The following GALNT13 variants were observed in gnomAD, a reference collection of about 807,000 sequenced individuals.
GALNT13 encodes UDP-GalNAc:polypeptide N-acetylgalactosaminyltransferase 13.
Under a neutral mutation model 64.2 loss-of-function variants are expected in GALNT13, and 28 were observed. The observed-to-expected ratio is 0.44, with a 90% confidence interval of 0.32 to 0.60. The LOEUF (loss-of-function observed/expected upper bound fraction) is 0.60, where lower values mean the gene tolerates loss of function less well. GALNT13 is among the 20% of genes least tolerant of loss of function. The pLI, the probability that GALNT13 is intolerant of heterozygous loss-of-function variation, is 0.05. For synonymous variants in GALNT13, 214 were observed against 224.6 expected, an observed-to-expected ratio of 0.95 and a Z score of 0.42; for missense variants, 577 against 669.8, an observed-to-expected ratio of 0.86 and a Z score of 1.53.
the GALNT13 span, among the ~76,000 whole-genome samples, chr2:153,433,189 C>CA: frequency 6.6e-6 from 1 of 152,108 alleles, no homozygotes; most frequent in Non-Finnish European, 1.5e-5. Context: ...TAAAAAGTCT[C>CA]ATCATTGATT....
At chr2:153,144,306 G>A in the GALNT13 span, among the ~76,000 whole-genome samples, 1 of 151,924 alleles carries the variant, frequency 6.6e-6, no homozygotes, top group African/African-American at 2.4e-5. Flanking sequence ...AATTAGCTGT[G>A]TAAGCTCAGG....
At chr2:153,906,786 G>A (rs1183752900) in intron 2 of GALNT13, among the ~76,000 whole-genome samples, 1 of 151,812 alleles carries the variant, frequency 6.6e-6, no homozygotes, top group Non-Finnish European at 1.5e-5. Context: ...GGGTCAAATG[G>A]TATTTCTAGT....
At chr2:153,285,965 GAATA>G in the GALNT13 span, among the ~76,000 whole-genome samples, 128 of 152,080 alleles carry the variant, frequency 8.4e-4, no homozygotes, top group Admixed American at 1.7e-3. Flanking sequence ...AAACACAAGA[GAATA>G]AATTCAAGAA....
the GALNT13 span, among the ~76,000 whole-genome samples, chr2:153,544,397 C>A: frequency 2.0e-5 from 3 of 152,192 alleles, no homozygotes; most frequent in Admixed American, 6.5e-5. Context: ...CATTTACAAC[C>A]ATTCTTAACA....
At chr2:153,652,659 C>G in the GALNT13 span, among the ~76,000 whole-genome samples, 1 of 152,082 alleles carries the variant, frequency 6.6e-6, no homozygotes, top group Non-Finnish European at 1.5e-5. Context: ...ATAACCATGA[C>G]TGACACGCAC....
chr2:153,666,417 C>T, the GALNT13 span, among the ~76,000 whole-genome samples: 1 of 152,158 alleles, frequency 6.6e-6, no homozygotes, highest in South Asian at 2.1e-4. Context: ...TAAGAGTGGA[C>T]CCAGTGCCAT....
intron 2 of GALNT13, among the ~76,000 whole-genome samples, chr2:153,940,755 T>C (rs1478355383): frequency 2.0e-5 from 3 of 152,190 alleles, no homozygotes; most frequent in Admixed American, 6.5e-5. Flanking sequence ...CTGAAACTTC[T>C]GGAAGCATTA....
chr2:153,798,133 T>G, the GALNT13 span, among the ~76,000 whole-genome samples: 1 of 152,196 alleles, frequency 6.6e-6, no homozygotes, highest in Non-Finnish European at 1.5e-5. Flanking sequence ...TTGATTGAAG[T>G]CAACACATAA....
chr2:154,025,394 T>C (rs545055837), intron 3 of GALNT13, among the ~76,000 whole-genome samples: 1 of 152,300 alleles, frequency 6.6e-6, no homozygotes, highest in South Asian at 2.1e-4. Flanking sequence ...CACTAATGTT[T>C]TAGTACATTT....
intron 4 of GALNT13, among the ~76,000 whole-genome samples, chr2:154,234,645 GA>G (rs1689095660): frequency 6.6e-6 from 1 of 151,998 alleles, no homozygotes; most frequent in Non-Finnish European, 1.5e-5. Context: ...TTGAAGATAT[GA>G]AAAAAATGTT....
the GALNT13 span, among the ~76,000 whole-genome samples, chr2:153,789,248 A>C: frequency 2.6e-5 from 4 of 152,090 alleles, no homozygotes; most frequent in Non-Finnish European, 5.9e-5. Flanking sequence ...CACCAAACAC[A>C]CTCTCAGACC....
intron 8 of GALNT13, among the ~76,000 whole-genome samples, chr2:154,259,927 G>A (rs1690600465): frequency 6.6e-6 from 1 of 152,034 alleles, no homozygotes; most frequent in Non-Finnish European, 1.5e-5. Flanking sequence ...ACCCAGGCTG[G>A]AGTGGTACAG....
At chr2:153,376,206 C>T in the GALNT13 span, among the ~76,000 whole-genome samples, 1 of 152,042 alleles carries the variant, frequency 6.6e-6, no homozygotes, top group Non-Finnish European at 1.5e-5. Flanking sequence ...TTAGGTAAAA[C>T]TGAGAGGAAT....
intron 3 of GALNT13, among the ~76,000 whole-genome samples, chr2:154,080,123 T>G (rs1468554220): frequency 6.6e-6 from 1 of 151,680 alleles, no homozygotes; most frequent in East Asian, 1.9e-4. Context: ...GTGCGTGTGT[T>G]ATTTCAACAA....
intron 2 of GALNT13, among the ~76,000 whole-genome samples, chr2:153,938,727 C>T (rs899223061): frequency 2.0e-5 from 3 of 152,132 alleles, no homozygotes; most frequent in African/African-American, 7.2e-5. Context: ...GACGCCTTCT[C>T]TCTGTGTCTT....
Position 154,450,745 on chromosome 2 carries a change from TAAG to T in GALNT13, c.*197_*199del. On this transcript the variant is annotated 3_prime_UTR_variant, in exon 13 of 13. Coordinates refer to ENST00000392825, the MANE Select transcript of GALNT13 (RefSeq NM_052917.4). Reference sequence around the variant, plus strand: ...AAAATTTGTATCTGATCAAAGCACATAAGAATATAAATAATAGCAAACTACTAT... The same window carrying T: ...AAAATTTGTATCTGATCAAAGCACATAATATAAATAATAGCAAACTACTAT... The T allele has an allele frequency of 2.0e-6, 1 of 493,078 alleles. No individual in the cohort carries two copies. The highest frequency in any genetic ancestry group is 3.8e-5 in the Admixed American group (1 of 26,310). 30.5% of individuals were successfully genotyped at this position (493,078 alleles called of 1,614,324 possible).
the GALNT13 span, among the ~76,000 whole-genome samples, chr2:153,344,542 G>A: frequency 6.6e-6 from 1 of 152,152 alleles, no homozygotes; most frequent in Non-Finnish European, 1.5e-5. Context: ...CCAGGCTGGT[G>A]TGCAGTGGCG....
the GALNT13 span, among the ~76,000 whole-genome samples, chr2:153,222,970 C>T: frequency 6.6e-6 from 1 of 152,192 alleles, no homozygotes; most frequent in African/African-American, 2.4e-5. Flanking sequence ...CCCCCTGACT[C>T]GGTGAGGGGG....
the GALNT13 span, among the ~76,000 whole-genome samples, chr2:153,359,582 G>A: frequency 8.3e-6 from 1 of 120,694 alleles, no homozygotes; most frequent in Non-Finnish European, 1.6e-5. Context: ...GAAGATGTGA[G>A]CACTCACCTG....
Sources: allele counts gnomAD v4.1 joint callset (sites outside exome capture counted in the v4.1 genomes callset), GRCh38; gene constraint gnomAD v4.1.1; transcripts MANE v1.5; gene names NCBI Gene and HGNC (gene_info 2026-07-23, HGNC 2026-07-21).